The following HHLA2 variants were observed in gnomAD, a reference collection of about 807,000 sequenced individuals.
HHLA2 encodes HERV-H LTR-associating protein 2.
In HHLA2, 48 loss-of-function variants were observed where a neutral mutation model predicts 45.9. The ratio of observed to expected loss-of-function variants is 1.05; its 90% confidence interval spans 0.83 to 1.33. HHLA2 has a LOEUF of 1.33. Ranked by LOEUF, HHLA2 falls within the 40% of genes most tolerant of loss-of-function variation. The pLI is 0.00. For missense variants in HHLA2, 462 were observed against 494.3 expected, an observed-to-expected ratio of 0.93 and a Z score of 0.62; for synonymous variants, 161 against 173.9, an observed-to-expected ratio of 0.93 and a Z score of 0.59.
intron 3 of HHLA2, among the ~76,000 whole-genome samples, chr3:108,342,587 G>A (rs1482706127): frequency 6.6e-6 from 1 of 152,080 alleles, no homozygotes; most frequent in Non-Finnish European, 1.5e-5. Context: ...CTCAACCACT[G>A]TAATCCCACT....
intron 5 of HHLA2, among the ~76,000 whole-genome samples, chr3:108,354,716 CA>C (rs2081852085): frequency 6.6e-6 from 1 of 152,076 alleles, no homozygotes; most frequent in African/African-American, 2.4e-5. Context: ...TCAGAAATCA[CA>C]AAATTATGTG....
chr3:108,310,135 A>G (rs1436359255), intron 1 of HHLA2, among the ~76,000 whole-genome samples: 1 of 152,028 alleles, frequency 6.6e-6, no homozygotes, highest in Non-Finnish European at 1.5e-5. Context: ...TCTCCTCCTC[A>G]TGACTCCCCA....
In HHLA2 at chr3:108,301,149, TC is replaced by T. The variant is rs536969713; in HGVS notation, c.-192+4553del. On this transcript the variant is annotated intron_variant, in intron 1 of 10. Transcript: ENST00000619531. ...AGACCTAGGCCCTCCAAACCAATGT[TC>T]CCTATTGAATTTAGCGTTTTATTTT... Among the ~76,000 whole-genome samples, 726 of 152,258 alleles carry T rather than the reference TC, an allele frequency of 4.8e-3. 9 individuals carry two copies. The highest frequency in any genetic ancestry group is 5.5e-3 in the Admixed American group (84 of 15,276).
chr3:108,304,552 C>T (rs2107290014), intron 1 of HHLA2, among the ~76,000 whole-genome samples: 1 of 152,294 alleles, frequency 6.6e-6, no homozygotes, highest in South Asian at 2.1e-4. Context: ...ATTACATCTA[C>T]AAAGACCTAT....
chr3:108,317,816 G>A (rs535100401), intron 2 of HHLA2, among the ~76,000 whole-genome samples: 27 of 151,876 alleles, frequency 1.8e-4, no homozygotes, highest in Admixed American at 5.9e-4. Context: ...CTTGTGATCC[G>A]CCCGCCTCAG....
chr3:108,376,848 ACTTATT>A (rs1439612621), intron 10 of HHLA2: 6 of 349,084 alleles, frequency 1.7e-5, no homozygotes, highest in East Asian at 5.1e-5. Flanking sequence ...GAGCCAATGT[ACTTATT>A]CTTATGATAG....
At chr3:108,365,284 T>C (rs189744097) in intron 8 of HHLA2, among the ~76,000 whole-genome samples, 203 of 152,302 alleles carry the variant, frequency 1.3e-3, no homozygotes, top group African/African-American at 4.6e-3. Flanking sequence ...TTTTGTCAGG[T>C]TTGTCAAAGA....
At chr3:108,308,532 C>A (rs1576096441) in intron 1 of HHLA2, among the ~76,000 whole-genome samples, 1 of 152,204 alleles carries the variant, frequency 6.6e-6, no homozygotes, top group African/African-American at 2.4e-5. Flanking sequence ...ATATACCCAG[C>A]AGTGGGATTG....
intron 6 of HHLA2, among the ~76,000 whole-genome samples, chr3:108,356,675 G>A (rs2081899069): frequency 6.6e-6 from 1 of 152,206 alleles, no homozygotes; most frequent in African/African-American, 2.4e-5. Flanking sequence ...TTTAGGCTCA[G>A]TACTGTTTGG....
chr3:108,369,674 A>C (rs972814877), intron 8 of HHLA2, among the ~76,000 whole-genome samples: 1 of 152,230 alleles, frequency 6.6e-6, no homozygotes, highest in African/African-American at 2.4e-5. Context: ...TATCCTGTGC[A>C]TGACTCAGAG....
intron 2 of HHLA2, among the ~76,000 whole-genome samples, chr3:108,322,809 C>T (rs2081226444): frequency 6.6e-6 from 1 of 152,270 alleles, no homozygotes; most frequent in East Asian, 1.9e-4. Context: ...GGGGTTCATC[C>T]CACCTGCATT....
At chr3:108,374,341 A>G (rs918583929) in intron 8 of HHLA2, among the ~76,000 whole-genome samples, 1 of 152,086 alleles carries the variant, frequency 6.6e-6, no homozygotes, top group African/African-American at 2.4e-5. Flanking sequence ...AGATGGATTA[A>G]AGATTTACAT....
At chr3:108,326,218 C>A in intron 2 of HHLA2, 1 of 216,568 alleles carries the variant, frequency 4.6e-6, no homozygotes, top group Non-Finnish European at 9.4e-6. Flanking sequence ...TTCCATCCAC[C>A]TTGTATGGTG....
chr3:108,304,075 G>A (rs1320084686), intron 1 of HHLA2, among the ~76,000 whole-genome samples: 4 of 152,100 alleles, frequency 2.6e-5, no homozygotes, highest in Non-Finnish European at 1.5e-5. Flanking sequence ...TGTTCTAAAG[G>A]GGAATGCACT....
chr3:108,355,281 T>TAACA lies in HHLA2; in HGVS notation c.586_589dup (p.Ser197LysfsTer14), dbSNP rs761838478. 7 of 1,613,868 alleles carry TAACA rather than the reference T, an allele frequency of 4.3e-6. No homozygotes were observed. In the East Asian group the frequency reaches 1.3e-4, roughly 31 times the overall value. On this transcript the variant is annotated frameshift_variant, in exon 6 of 11. Transcript: ENST00000619531. LOFTEE classifies it high-confidence loss of function. ...CAGGGTCTTTGGATTCTTTTTCTAT[T>TAACA]AACAGCCCACTGAATATTACAGGAT...
intron 3 of HHLA2, among the ~76,000 whole-genome samples, chr3:108,342,792 T>C (rs1489442620): frequency 1.7e-4 from 26 of 152,198 alleles, no homozygotes; most frequent in Admixed American, 1.7e-3. Flanking sequence ...CTGTCCAGAA[T>C]AACCTTCTAC....
At chr3:108,352,217 A>G (rs1338005469) in intron 4 of HHLA2, among the ~76,000 whole-genome samples, 7 of 151,964 alleles carry the variant, frequency 4.6e-5, no homozygotes, top group Admixed American at 4.6e-4. Flanking sequence ...GCTAGGTCCT[A>G]TGACAGGCAT....
At chr3:108,301,384 A>G (rs993065236) in intron 1 of HHLA2, among the ~76,000 whole-genome samples, 13 of 152,136 alleles carry the variant, frequency 8.5e-5, no homozygotes, top group Admixed American at 1.3e-4. Context: ...CTAAGTATGT[A>G]TAGGTTCTAT....
At chr3:108,330,043 G>A (rs746058174) in intron 3 of HHLA2, among the ~76,000 whole-genome samples, 38 of 152,102 alleles carry the variant, frequency 2.5e-4, no homozygotes, top group Non-Finnish European at 4.0e-4. Flanking sequence ...GGCTGCTGGT[G>A]GGAGGATTCA....
Sources: gnomAD v4.1 joint callset for allele counts (sites outside exome capture counted in the v4.1 genomes callset) on GRCh38, gnomAD v4.1.1 for gene constraint, MANE v1.5 for transcripts, NCBI Gene and HGNC (gene_info 2026-07-23, HGNC 2026-07-21) for gene names.